Variants in XPNPEP3 observed in about 807,000 individuals in gnomAD.
The protein encoded by XPNPEP3 is xaa-Pro aminopeptidase 3.
XPNPEP3 carries 41 observed loss-of-function variants against 60.0 expected under a neutral mutation model. That is an observed-to-expected ratio of 0.68 (90% confidence interval 0.53 to 0.89). XPNPEP3 has a LOEUF of 0.89. Ranked by LOEUF, XPNPEP3 falls within the 40% of genes least tolerant of loss-of-function variation. XPNPEP3 has a pLI of 0.00. For synonymous variants in XPNPEP3, 212 were observed against 223.2 expected, an observed-to-expected ratio of 0.95 and a Z score of 0.45; for missense variants, 598 against 638.9, an observed-to-expected ratio of 0.94 and a Z score of 0.69.
At chr22:40,872,334 C>T (rs563953313) in intron 2 of XPNPEP3, among the ~76,000 whole-genome samples, 5 of 152,208 alleles carry the variant, frequency 3.3e-5, no homozygotes, top group African/African-American at 9.6e-5. Context: ...AGGTCTGTAT[C>T]GGTAGAGATG....
At position 40,867,363 on chromosome 22, in the gene XPNPEP3, A is replaced by G. The variant is rs17002219; in HGVS notation, c.65-1636A>G. Among the ~76,000 whole-genome samples the G allele has an allele frequency of 2.3e-3, 353 of 152,316 alleles. 3 individuals are homozygous for G. Among genetic ancestry groups the G allele is most frequent in the African/African-American group, 7.9e-3 (327 of 41,570 alleles). On this transcript the variant is annotated intron_variant, in intron 1 of 9. Coordinates refer to ENST00000357137, the MANE Select transcript of XPNPEP3 (RefSeq NM_022098.4). The stretch of plus-strand genomic sequence containing the variant: ...GTTTAATCTCAACAATCAATACTGT[A>G]CAATCTCCTTGTGAACATACAATTT...
chr22:40,918,508 C>T (rs1391155973), intron 7 of XPNPEP3, among the ~76,000 whole-genome samples: 1 of 151,948 alleles, frequency 6.6e-6, no homozygotes, highest in African/African-American at 2.4e-5. Context: ...CCTGTCTCTA[C>T]TAAAAACACA....
chr22:40,903,107 G>T (rs138057025), intron 4 of XPNPEP3, among the ~76,000 whole-genome samples: 71 of 152,294 alleles, frequency 4.7e-4, no homozygotes, highest in African/African-American at 1.7e-3. Context: ...GATACAAACT[G>T]CTCTGAAACT....
At position 40,875,390 on chromosome 22, in the gene XPNPEP3, T is replaced by C. The variant is rs181012277; in HGVS notation, c.181+6275T>C. On this transcript the variant is annotated intron_variant, in intron 2 of 9. Transcript: ENST00000357137. ...TCACTTTGTTGCCAGGGCTTACTTA[T>C]ATAATTTTTTTAAATCACTGTATTC... 1.5e-3 allele frequency among the ~76,000 whole-genome samples: 234 copies of C among 152,286 alleles called. 2 individuals carry two copies. The highest frequency in any genetic ancestry group is 3.0e-3 in the Non-Finnish European group (206 of 68,020).
intron 3 of XPNPEP3, 104 bp downstream of exon 3, chr22:40,882,281 A>C: frequency 1.6e-6 from 2 of 1,257,606 alleles, no homozygotes; most frequent in Non-Finnish European, 2.3e-6. Context: ...CACCACCATG[A>C]AAAGACCATG....
chr22:40,914,881 C>A (rs1469493467), intron 7 of XPNPEP3, among the ~76,000 whole-genome samples: 1 of 151,880 alleles, frequency 6.6e-6, no homozygotes, highest in Admixed American at 6.6e-5. Flanking sequence ...CACTAGAGAT[C>A]CCTTTGTAGC....
chr22:40,875,654 A>G (rs969146270), intron 2 of XPNPEP3, among the ~76,000 whole-genome samples: 23 of 152,040 alleles, frequency 1.5e-4, no homozygotes, highest in Admixed American at 6.6e-5. Flanking sequence ...TTTAAGCCCT[A>G]GGGAGAAATA....
At chr22:40,915,539 G>C (rs2058193120) in intron 7 of XPNPEP3, among the ~76,000 whole-genome samples, 1 of 150,248 alleles carries the variant, frequency 6.7e-6, no homozygotes, top group Non-Finnish European at 1.5e-5. Context: ...GTGACAGAGT[G>C]AGACTCTATC....
chr22:40,918,401 G>A (rs2058204256), intron 7 of XPNPEP3, among the ~76,000 whole-genome samples: 1 of 152,132 alleles, frequency 6.6e-6, no homozygotes, highest in African/African-American at 2.4e-5. Context: ...GCCAGGTGCA[G>A]TGGCTCACGC....
intron 7 of XPNPEP3, among the ~76,000 whole-genome samples, chr22:40,916,006 A>G (rs1004553331): frequency 6.6e-6 from 1 of 152,134 alleles, no homozygotes; most frequent in African/African-American, 2.4e-5. Context: ...TAATGAAATA[A>G]TCCTGGCCAG....
At chr22:40,888,418 AT>A (rs2146255835) in intron 4 of XPNPEP3, 4 of 441,080 alleles carry the variant, frequency 9.1e-6, no homozygotes, top group Admixed American at 4.9e-5. Context: ...AATTTTTTAA[AT>A]TTTTTGTAGA....
chr22:40,886,695 C>T (rs567672244), intron 4 of XPNPEP3, among the ~76,000 whole-genome samples, 180 bp downstream of exon 4: 2 of 151,614 alleles, frequency 1.3e-5, no homozygotes, highest in East Asian at 1.9e-4. Context: ...GGCATGGTGG[C>T]GGGCTCCTGT....
chr22:40,861,539 T>A (rs1269678918), intron 1 of XPNPEP3: 1 of 1,613,546 alleles, frequency 6.2e-7, no homozygotes, highest in East Asian at 2.2e-5. Flanking sequence ...CTGTATCATA[T>A]GAAGAAAATT....
At chr22:40,886,796 CA>C (rs1376179383) in intron 4 of XPNPEP3, among the ~76,000 whole-genome samples, 1 of 144,838 alleles carries the variant, frequency 6.9e-6, no homozygotes, top group African/African-American at 2.6e-5. Context: ...CACTGCACTC[CA>C]GCCTGGGCGA....
At position 40,932,254 on chromosome 22, in the gene XPNPEP3, G is replaced by A. The variant is rs1276047742; in HGVS notation, c.*5819G>A. 7.9e-5 allele frequency: 12 copies of A among 151,992 alleles called. No individual in the cohort carries two copies. The highest frequency in any genetic ancestry group is 7.9e-4 in the Admixed American group (12 of 15,234). The allele number at this position is 151,992 out of a possible 1,614,324, so 9.4% of individuals were successfully genotyped here. On this transcript the variant is annotated 3_prime_UTR_variant, in exon 10 of 10. Coordinates refer to ENST00000357137, the MANE Select transcript of XPNPEP3 (RefSeq NM_022098.4). ...AGCTGAGAATGTAATTCGTTTGTGT[G>A]TCTATTAGAAAATTAGGCAGGCACC...
chr22:40,864,643 C>G (rs1257029183), intron 1 of XPNPEP3, among the ~76,000 whole-genome samples: 1 of 152,034 alleles, frequency 6.6e-6, no homozygotes, highest in Non-Finnish European at 1.5e-5. Context: ...GGGGGTTTCT[C>G]CATGTTGGTC....
intron 7 of XPNPEP3, among the ~76,000 whole-genome samples, chr22:40,915,006 A>G (rs1483658162): frequency 6.8e-6 from 1 of 147,690 alleles, no homozygotes; most frequent in Non-Finnish European, 1.5e-5. Flanking sequence ...AATAAAAGGC[A>G]CCAGAGAGCT....
At chr22:40,909,308 C>A in intron 6 of XPNPEP3, 73 bp downstream of exon 6, 1 of 1,151,328 alleles carries the variant, frequency 8.7e-7, no homozygotes, top group Non-Finnish European at 1.3e-6. Context: ...AACCTCATGT[C>A]CTCTCACCTT....
chr22:40,918,841 T>G (rs1431589643), intron 7 of XPNPEP3, among the ~76,000 whole-genome samples: 2 of 151,044 alleles, frequency 1.3e-5, no homozygotes, highest in Non-Finnish European at 2.9e-5. Context: ...ATAATAATTT[T>G]TTTTTCTTTT....
Sources: gnomAD v4.1 joint callset for allele counts (sites outside exome capture counted in the v4.1 genomes callset) on GRCh38, gnomAD v4.1.1 for gene constraint, MANE v1.5 for transcripts, NCBI Gene and HGNC (gene_info 2026-07-23, HGNC 2026-07-21) for gene names.